TEX11: variants seen among roughly 807,000 people sequenced by gnomAD.
TEX11 encodes the protein testis expressed 11.
A neutral mutation model predicts 84.4 loss-of-function variants in TEX11; 7 were observed. The ratio of observed to expected loss-of-function variants is 0.08; its 90% confidence interval spans 0.05 to 0.16. TEX11 has a LOEUF of 0.16. Ranked by LOEUF, TEX11 falls within the 10% of genes least tolerant of loss-of-function variation. The pLI, the probability that TEX11 is intolerant of heterozygous loss-of-function variation, is 1.00. For missense variants in TEX11, 551 were observed against 660.5 expected, an observed-to-expected ratio of 0.83 and a Z score of 1.82; for synonymous variants, 264 against 222.8, an observed-to-expected ratio of 1.18 and a Z score of -1.64.
At chrX:70,781,501 A>G (rs1173405807) in intron 9 of TEX11, among the ~76,000 whole-genome samples, 2 of 112,092 alleles carry the variant, frequency 1.8e-5, no homozygotes, top group Non-Finnish European at 1.9e-5. Context: ...TCAGAAGGTC[A>G]GTAATAACAA....
chrX:70,806,635 C>T, intron 9 of TEX11, 70 bp downstream of exon 9: 1 of 749,234 alleles, frequency 1.3e-6, no homozygotes, highest in Non-Finnish European at 2.0e-6. Flanking sequence ...CCAAAGTACT[C>T]TACAGTAAAT....
At chrX:70,682,411 A>G (rs2090154706) in intron 14 of TEX11, among the ~76,000 whole-genome samples, 1 of 111,700 alleles carries the variant, frequency 9.0e-6, no homozygotes, top group Non-Finnish European at 1.9e-5. Context: ...TAACCTCACA[A>G]TATTCCACCA....
intron 9 of TEX11, among the ~76,000 whole-genome samples, chrX:70,762,296 TTTATC>T (rs1318136901): frequency 8.9e-6 from 1 of 112,242 alleles, no homozygotes; most frequent in Non-Finnish European, 1.9e-5. Context: ...GCAAACTACT[TTTATC>T]TTAAGTAGAA....
At chrX:70,727,024 A>G (rs2090604976) in intron 11 of TEX11, among the ~76,000 whole-genome samples, 1 of 110,628 alleles carries the variant, frequency 9.0e-6, no homozygotes, top group Non-Finnish European at 1.9e-5. Flanking sequence ...TTGTTTGCTG[A>G]TTTTTTTCTT....
At chrX:70,837,176 G>A (rs1339942459) in intron 7 of TEX11, among the ~76,000 whole-genome samples, 1 of 111,894 alleles carries the variant, frequency 8.9e-6, no homozygotes, top group African/African-American at 3.2e-5. Flanking sequence ...ATTTACAATA[G>A]CCAAAAATTG....
At chrX:70,808,739 A>G (rs2091235679) in intron 8 of TEX11, among the ~76,000 whole-genome samples, 1 of 110,488 alleles carries the variant, frequency 9.1e-6, no homozygotes, top group South Asian at 3.8e-4. Context: ...AAAAAGTAAA[A>G]GAAAATAAAA....
chrX:70,616,329 G>T (rs1167362282), intron 20 of TEX11, among the ~76,000 whole-genome samples: 8 of 111,782 alleles, frequency 7.2e-5, no homozygotes, highest in African/African-American at 2.6e-4. Context: ...TTTTTCTTTT[G>T]CTTGTTAGTA....
chrX:70,893,410 A>C (rs2091749883), intron 2 of TEX11, among the ~76,000 whole-genome samples: 1 of 112,155 alleles, frequency 8.9e-6, no homozygotes, highest in Admixed American at 9.5e-5. Context: ...ACTCAGGGTT[A>C]AGAAACTCAC....
chrX:70,589,930 T>C (rs1428615672), intron 25 of TEX11, among the ~76,000 whole-genome samples: 1 of 112,353 alleles, frequency 8.9e-6, no homozygotes, highest in Non-Finnish European at 1.9e-5. Context: ...ATACTGTAGT[T>C]TGGGTTTTTA....
chrX:70,826,167 T>TGGGCATG (rs1020525043), intron 8 of TEX11, among the ~76,000 whole-genome samples: 1 of 109,362 alleles, frequency 9.1e-6, no homozygotes, highest in African/African-American at 3.3e-5. Flanking sequence ...AAAAAGTAGC[T>TGGGCATG]GGGCATGGTG....
At chrX:70,827,886 C>A (rs2091355869) in intron 8 of TEX11, among the ~76,000 whole-genome samples, 1 of 111,292 alleles carries the variant, frequency 9.0e-6, no homozygotes, top group Non-Finnish European at 1.9e-5. Flanking sequence ...AGCACAGGCC[C>A]AGTGCTTGCA....
At chrX:70,526,760 A>G (rs140818529), downstream of TEX11, among the ~76,000 whole-genome samples, 109 of 110,989 alleles carry the variant, frequency 9.8e-4, no homozygotes, top group African/African-American at 3.4e-3. Context: ...TCTAGGACCC[A>G]GATCTTGGAC....
chrX:70,591,879 A>C (rs2088936324), intron 24 of TEX11, 56 bp from the exon 25 acceptor site: 4 of 825,370 alleles, frequency 4.8e-6, no homozygotes, highest in Non-Finnish European at 5.3e-6. Context: ...AACTTTAAGC[A>C]AATTAATATA....
intron 5 of TEX11, among the ~76,000 whole-genome samples, chrX:70,853,852 G>A (rs979920313): frequency 4.5e-5 from 5 of 112,143 alleles, no homozygotes; most frequent in Non-Finnish European, 7.5e-5. Context: ...GATGCGAACA[G>A]TAGGAACATC....
intron 20 of TEX11, among the ~76,000 whole-genome samples, chrX:70,620,547 C>T (rs955364394): frequency 5.4e-5 from 6 of 111,471 alleles, no homozygotes; most frequent in Non-Finnish European, 7.5e-5. Flanking sequence ...GACAGTCTAC[C>T]GGTTTCTCAC....
intron 20 of TEX11, among the ~76,000 whole-genome samples, chrX:70,618,017 T>C (rs1472457570): frequency 8.9e-6 from 1 of 112,070 alleles, no homozygotes; most frequent in East Asian, 2.8e-4. Context: ...AACAATATTC[T>C]GTTTGGAAGG....
At chrX:70,840,621 A>T (rs2091436942) in intron 7 of TEX11, among the ~76,000 whole-genome samples, 1 of 111,382 alleles carries the variant, frequency 9.0e-6, no homozygotes. Context: ...TCAAATTCAC[A>T]CATAACAATA....
chrX:70,804,405 A>T (rs1203181849), intron 9 of TEX11, among the ~76,000 whole-genome samples: 2 of 112,132 alleles, frequency 1.8e-5, no homozygotes, highest in Admixed American at 9.5e-5. Context: ...ACTGATAATT[A>T]TTTTTGCCTC....
intron 9 of TEX11, among the ~76,000 whole-genome samples, chrX:70,806,167 A>C (rs2091218091): frequency 8.9e-6 from 1 of 112,281 alleles, no homozygotes; most frequent in African/African-American, 3.2e-5. Flanking sequence ...TTAAGAAGAG[A>C]ACACTGGTCA....
Sources: allele counts gnomAD v4.1 joint callset (sites outside exome capture counted in the v4.1 genomes callset), GRCh38; gene constraint gnomAD v4.1.1; transcripts MANE v1.5; gene names NCBI Gene and HGNC (gene_info 2026-07-23, HGNC 2026-07-21).